Variants in HCN1 observed in about 807,000 individuals in gnomAD.
HCN1 encodes the protein hyperpolarization activated cyclic nucleotide gated potassium channel 1, also known as potassium/sodium hyperpolarization-activated cyclic nucleotide-gated channel 1.
In HCN1, 13 loss-of-function variants were observed where a neutral mutation model predicts 78.9. The ratio of observed to expected loss-of-function variants is 0.16; its 90% CI spans 0.11 to 0.26. The LOEUF (loss-of-function observed/expected upper bound fraction) is 0.26. HCN1 is among the 10% of genes least tolerant of loss of function. The probability of loss-of-function intolerance (pLI) is 1.00; values close to 1 mark genes in which losing one functional copy is unlikely to be tolerated. For missense variants in HCN1, 810 were observed against 1,154.3 expected (o/e 0.70, Z 4.32); for synonymous variants, 552 against 455.5 (o/e 1.21, Z -2.70).
chr5:45,614,020 G>A (rs1012700842), intron 2 of HCN1, among the ~76,000 whole-genome samples: 2 of 152,040 alleles, frequency 1.3e-5, no homozygotes, highest in African/African-American at 4.8e-5. Flanking sequence ...GTTTATTCTT[G>A]TTATGTATAG....
intron 4 of HCN1, among the ~76,000 whole-genome samples, chr5:45,367,353 T>A (rs1035216021): frequency 6.6e-6 from 1 of 151,882 alleles, no homozygotes. Context: ...CATATATGTA[T>A]GTATTTTGTA....
intron 3 of HCN1, among the ~76,000 whole-genome samples, chr5:45,445,790 C>A (rs1439099761): frequency 6.6e-6 from 1 of 152,124 alleles, no homozygotes; most frequent in Non-Finnish European, 1.5e-5. Context: ...TCTGGAGTGG[C>A]CCTCTAGCAA....
chr5:45,402,643 A>G (rs927515761), intron 3 of HCN1, among the ~76,000 whole-genome samples: 1 of 152,184 alleles, frequency 6.6e-6, no homozygotes, highest in South Asian at 2.1e-4. Context: ...ATAAAAGTAT[A>G]AAGCAACAAC....
intron 2 of HCN1, among the ~76,000 whole-genome samples, chr5:45,472,645 G>A (rs545550698): frequency 0.016 from 1,304 of 82,332 alleles, 41 homozygotes; most frequent in African/African-American, 0.07. Flanking sequence ...GGGAGGGAGG[G>A]AGAAAGGAGA....
At chr5:45,571,446 ACT>A (rs1264280920) in intron 2 of HCN1, among the ~76,000 whole-genome samples, 3 of 152,128 alleles carry the variant, frequency 2.0e-5, no homozygotes, top group Non-Finnish European at 4.4e-5. Flanking sequence ...CCATATTGTG[ACT>A]TGGGGCAAGA....
chr5:45,448,279 T>C (rs374054008), intron 3 of HCN1, among the ~76,000 whole-genome samples: 1 of 152,236 alleles, frequency 6.6e-6, no homozygotes, highest in Non-Finnish European at 1.5e-5. Flanking sequence ...GCCAGGGGAT[T>C]GAGCTCATTT....
chr5:45,526,696 A>T (rs1742743126), intron 2 of HCN1, among the ~76,000 whole-genome samples: 1 of 151,914 alleles, frequency 6.6e-6, no homozygotes, highest in Non-Finnish European at 1.5e-5. Context: ...ACTAAGCTAG[A>T]TTTCCTTCTC....
chr5:45,487,706 A>C (rs148420161), intron 2 of HCN1, among the ~76,000 whole-genome samples: 1 of 152,102 alleles, frequency 6.6e-6, no homozygotes, highest in South Asian at 2.1e-4. Flanking sequence ...TATGGCTTTA[A>C]TATTTTGCAT....
chr5:45,400,242 G>C (rs2112044043), intron 3 of HCN1, among the ~76,000 whole-genome samples: 1 of 152,192 alleles, frequency 6.6e-6, no homozygotes, highest in Non-Finnish European at 1.5e-5. Context: ...TGTATGAATG[G>C]AGGCAGGGTA....
intron 6 of HCN1, among the ~76,000 whole-genome samples, chr5:45,297,164 T>A (rs1745513251): frequency 6.6e-6 from 1 of 152,078 alleles, no homozygotes; most frequent in Admixed American, 6.6e-5. Context: ...AAAGTATCTC[T>A]TATGGGAAAC....
At chr5:45,547,971 T>A (rs933314140) in intron 2 of HCN1, among the ~76,000 whole-genome samples, 1 of 151,950 alleles carries the variant, frequency 6.6e-6, no homozygotes, top group African/African-American at 2.4e-5. Context: ...AAATCACTAT[T>A]TGTGTTCTAG....
chr5:45,328,636 C>T (rs928490467), intron 5 of HCN1, among the ~76,000 whole-genome samples: 3 of 151,620 alleles, frequency 2.0e-5, no homozygotes, highest in Non-Finnish European at 4.4e-5. Flanking sequence ...ATTCACGTCC[C>T]AAAGGAGATT....
intron 1 of HCN1, among the ~76,000 whole-genome samples, chr5:45,665,023 C>T (rs1746007665): frequency 6.6e-6 from 1 of 151,156 alleles, no homozygotes; most frequent in South Asian, 2.1e-4. Flanking sequence ...GCACTATTCA[C>T]AATAGCAAAG....
chr5:45,473,679 A>T (rs1264269253), intron 2 of HCN1, among the ~76,000 whole-genome samples: 2 of 151,320 alleles, frequency 1.3e-5, no homozygotes, highest in Admixed American at 1.3e-4. Flanking sequence ...TCATTTAAGC[A>T]TGCTTAAATC....
chr5:45,490,940 G>A (rs1029530831), intron 2 of HCN1, among the ~76,000 whole-genome samples: 15 of 151,952 alleles, frequency 9.9e-5, no homozygotes, highest in African/African-American at 3.1e-4. Context: ...TTCCAGGCAG[G>A]AGCATGTTCA....
intron 2 of HCN1, among the ~76,000 whole-genome samples, chr5:45,589,115 C>T (rs1032124842): frequency 3.9e-5 from 6 of 152,030 alleles, no homozygotes; most frequent in Admixed American, 3.9e-4. Flanking sequence ...TAACCTTAAA[C>T]CAAAAGAAGA....
At chr5:45,611,933 A>C (rs1744846353) in intron 2 of HCN1, among the ~76,000 whole-genome samples, 1 of 152,142 alleles carries the variant, frequency 6.6e-6, no homozygotes, top group Non-Finnish European at 1.5e-5. Flanking sequence ...AAAAAAAAAT[A>C]TAGATCTGAA....
chr5:45,267,717 G>T (rs180787581), intron 6 of HCN1, among the ~76,000 whole-genome samples: 58 of 152,194 alleles, frequency 3.8e-4, no homozygotes, highest in Middle Eastern at 3.4e-3. Flanking sequence ...GCAGTGAGCC[G>T]AGATTGTGCC....
intron 5 of HCN1, among the ~76,000 whole-genome samples, chr5:45,320,316 C>A (rs1746098342): frequency 6.6e-6 from 1 of 151,882 alleles, no homozygotes; most frequent in African/African-American, 2.4e-5. Flanking sequence ...TTTTTCTTTC[C>A]AATTCAGTAG....
Sources: gnomAD v4.1 joint callset for allele counts (sites outside exome capture counted in the v4.1 genomes callset) on GRCh38, gnomAD v4.1.1 for gene constraint, MANE v1.5 for transcripts, NCBI Gene and HGNC (gene_info 2026-07-23, HGNC 2026-07-21) for gene names.